Variants in NCF2 observed in about 807,000 individuals in gnomAD.
NCF2 encodes neutrophil cytosolic factor 2, also known as neutrophil cytosol factor 2.
In NCF2, 45 loss-of-function variants were observed where a neutral mutation model predicts 70.9. The observed-to-expected ratio is 0.63, with a 90% CI of 0.50 to 0.81. NCF2 has a LOEUF of 0.81. Ranked by LOEUF, NCF2 falls within the 40% of genes least tolerant of loss-of-function variation. The probability of loss-of-function intolerance (pLI) is 0.00; values close to 1 mark genes in which losing one functional copy is unlikely to be tolerated. For missense variants in NCF2, 522 were observed against 631.6 expected (o/e 0.83, Z 1.86); for synonymous variants, 203 against 233.6 (o/e 0.87, Z 1.19).
intron 7 of NCF2, 112 bp from the exon 8 acceptor site, chr1:183,567,457 T>G: frequency 6.9e-7 from 1 of 1,455,782 alleles, no homozygotes; most frequent in Non-Finnish European, 9.5e-7. Context: ...TAACTCCACA[T>G]CTAACTGCAA....
intron 10 of NCF2, among the ~76,000 whole-genome samples, chr1:183,564,371 T>C (rs928458171): frequency 1.3e-5 from 2 of 152,208 alleles, no homozygotes; most frequent in African/African-American, 4.8e-5. Context: ...GAGTGCAAGG[T>C]GAGCCAGAGG....
rs768273338 is a variant in NCF2, at chr1:183,590,346, G to A, written c.-17C>T. Reference sequence around the variant, plus strand: ...CAGGGACATGATTAGGTAGAAACTAGGAGGCCAAGAGAGCTGCCAGGAGAC... The same window carrying A: ...CAGGGACATGATTAGGTAGAAACTAAGAGGCCAAGAGAGCTGCCAGGAGAC... On this transcript the variant is annotated 5_prime_UTR_variant, in exon 1 of 15. Coordinates refer to ENST00000367535, the MANE Select transcript of NCF2 (RefSeq NM_000433.4). 9.9e-6 allele frequency: 16 copies of A among 1,613,984 alleles called. No individual in the cohort carries two copies. In the Admixed American group the frequency reaches 1.7e-4, roughly 17 times the overall value.
At chr1:183,559,697 A>G (rs374127238) in intron 14 of NCF2, among the ~76,000 whole-genome samples, 26 of 152,232 alleles carry the variant, frequency 1.7e-4, no homozygotes, top group Non-Finnish European at 3.1e-4. Flanking sequence ...CATCTCTACT[A>G]AATACACAAA....
intron 14 of NCF2, among the ~76,000 whole-genome samples, chr1:183,558,573 T>C (rs79148462): frequency 2.2e-3 from 337 of 149,908 alleles, no homozygotes; most frequent in African/African-American, 8.0e-3. Flanking sequence ...CGGCCTATTT[T>C]TATTTTTTTT....
At chr1:183,589,956 GCTCTCCA>G in intron 1 of NCF2, among the ~76,000 whole-genome samples, 193 bp downstream of exon 1, 1 of 152,250 alleles carries the variant, frequency 6.6e-6, no homozygotes, top group Non-Finnish European at 1.5e-5. Flanking sequence ...CCCCTCACCT[GCTCTCCA>G]CCTGGAGAGC....
chr1:183,576,968 T>C (rs1259704313), intron 3 of NCF2, among the ~76,000 whole-genome samples: 1 of 152,222 alleles, frequency 6.6e-6, no homozygotes, highest in Non-Finnish European at 1.5e-5. Context: ...TCAAAGCCAG[T>C]CATGTCTCTC....
At chr1:183,564,962 G>A (rs888492939) in intron 10 of NCF2, among the ~76,000 whole-genome samples, 1 of 152,214 alleles carries the variant, frequency 6.6e-6, no homozygotes, top group Non-Finnish European at 1.5e-5. Flanking sequence ...AGCAGGGCGA[G>A]TTCATGGTGC....
the NCF2 span, among the ~76,000 whole-genome samples, chr1:183,601,740 CT>C: frequency 1.3e-5 from 2 of 151,976 alleles, no homozygotes; most frequent in Non-Finnish European, 2.9e-5. Flanking sequence ...CACCTGTAGT[CT>C]CACCTACTCT....
chr1:183,567,427 A>T (rs1572155602), intron 7 of NCF2, 82 bp from the exon 8 acceptor site: 1 of 1,577,080 alleles, frequency 6.3e-7, no homozygotes, highest in Non-Finnish European at 8.7e-7. Context: ...GGAGCCAGGG[A>T]CTTGGCTCCA....
intron 9 of NCF2, 30 bp from the exon 10 acceptor site, chr1:183,565,809 C>A (rs1412051154): frequency 6.2e-7 from 1 of 1,611,266 alleles, no homozygotes; most frequent in South Asian, 1.1e-5. Context: ...ACGGTCAGAA[C>A]CTTCATTCAA....
chr1:183,558,451 A>G (rs1276298651), intron 14 of NCF2, among the ~76,000 whole-genome samples: 1 of 151,718 alleles, frequency 6.6e-6, no homozygotes, highest in Non-Finnish European at 1.5e-5. Flanking sequence ...TATTTGTAGC[A>G]GAGACAGAGT....
chr1:183,593,735 G>T (rs1286043342), upstream of NCF2, among the ~76,000 whole-genome samples: 1 of 152,166 alleles, frequency 6.6e-6, no homozygotes, highest in Non-Finnish European at 1.5e-5. Flanking sequence ...GTCCCTCAAT[G>T]CAGGGGCAGT....
intron 1 of NCF2, 110 bp downstream of exon 1, chr1:183,590,045 AC>A: frequency 6.5e-7 from 1 of 1,531,022 alleles, no homozygotes; most frequent in Non-Finnish European, 9.0e-7. Context: ...AGCTTGGGCA[AC>A]TTTTGTTCTT....
intron 5 of NCF2, among the ~76,000 whole-genome samples, chr1:183,572,704 A>G (rs552554098): frequency 6.6e-6 from 1 of 152,242 alleles, no homozygotes; most frequent in African/African-American, 2.4e-5. Flanking sequence ...CAGTGGTGCA[A>G]TCATAGCTCA....
At chr1:183,569,100 T>G (rs1558095946) in intron 7 of NCF2, 42 bp downstream of exon 7, 1 of 1,588,118 alleles carries the variant, frequency 6.3e-7, no homozygotes. Flanking sequence ...AGCTCAGGCT[T>G]GGCGCTTGGA....
At chr1:183,583,596 A>G (rs929405898) in intron 2 of NCF2, among the ~76,000 whole-genome samples, 2 of 152,260 alleles carry the variant, frequency 1.3e-5, no homozygotes, top group African/African-American at 4.8e-5. Context: ...CTGAAATACA[A>G]GCATGAGTAA....
the NCF2 span, among the ~76,000 whole-genome samples, chr1:183,595,913 C>T: frequency 6.6e-6 from 1 of 152,160 alleles, no homozygotes; most frequent in Admixed American, 6.5e-5. Flanking sequence ...CAAGGATCAT[C>T]AGGGATCATC....
At position 183,571,114 on chromosome 1, in the gene NCF2, C is replaced by CTTTT. The variant is rs66625837; in HGVS notation, c.610-279_610-276dup. 8.3e-4 allele frequency among the ~76,000 whole-genome samples: 89 copies of CTTTT among 106,788 alleles called. 3 individuals are homozygous for CTTTT. In the East Asian group the frequency reaches 0.014, roughly 17 times the overall value. The allele number at this position is 106,788 out of a possible 152,430, so 70.1% of individuals were successfully genotyped here. A position where few individuals can be genotyped will look rare whatever the true frequency, so the allele number is the denominator to read the frequency against. On this transcript the variant is annotated intron_variant, in intron 5 of 14. Transcript: ENST00000367535. ...TGCAATTTGTATAACATCAAATTAT[C>CTTTT]TTTTTTTTTTTTTTTTTTTTTGAGA...
At chr1:183,599,479 TTTC>T in the NCF2 span, among the ~76,000 whole-genome samples, 3 of 136,676 alleles carry the variant, frequency 2.2e-5, no homozygotes, top group Non-Finnish European at 4.7e-5. Context: ...TCTTTCTTTC[TTTC>T]TCTTTTCTTT....
Sources: allele counts gnomAD v4.1 joint callset (sites outside exome capture counted in the v4.1 genomes callset), GRCh38; gene constraint gnomAD v4.1.1; transcripts MANE v1.5; gene names NCBI Gene and HGNC (gene_info 2026-07-23, HGNC 2026-07-21).